FNIP1: variants seen among roughly 807,000 people sequenced by gnomAD.
FNIP1 encodes folliculin interacting protein 1, also known as folliculin-interacting protein 1.
Under a neutral mutation model 124.5 loss-of-function variants are expected in FNIP1, and 40 were observed. The observed-to-expected ratio is 0.32, with a 90% CI of 0.25 to 0.42. The LOEUF (loss-of-function observed/expected upper bound fraction) is 0.42, where lower values mean the gene tolerates loss of function less well. FNIP1 is among the 10% of genes least tolerant of loss of function. The pLI is 1.00. For synonymous variants in FNIP1, 472 were observed against 470.6 expected (o/e 1.00, Z -0.04); for missense variants, 1,176 against 1,403.7 (o/e 0.84, Z 2.59).
chr5:131,644,503 C>T lies in FNIP1; in HGVS notation c.*182G>A. ...AAAAATCTACCACCACCCAAAAGTCCAGTCAAAAAGAAAAAGCCATCTGAC... is the reference window on the plus strand; with the variant it reads ...AAAAATCTACCACCACCCAAAAGTCTAGTCAAAAAGAAAAAGCCATCTGAC... On this transcript the variant is annotated 3_prime_UTR_variant, in exon 18 of 18. Transcript: ENST00000510461. 7 of 438,352 alleles carry T rather than the reference C, an allele frequency of 1.6e-5. No individual in the cohort carries two copies. Among genetic ancestry groups the T allele is most frequent in the Non-Finnish European group, 2.4e-5 (6 of 248,008 alleles). The allele number at this position is 438,352 out of a possible 1,614,324, so 27.2% of individuals were successfully genotyped here.
chr5:131,691,243 A>G (rs1768470518), intron 11 of FNIP1, among the ~76,000 whole-genome samples: 1 of 152,228 alleles, frequency 6.6e-6, no homozygotes. Flanking sequence ...ATGCATCTAA[A>G]TAACACATAG....
chr5:131,663,251 A>G (rs1196698667), intron 15 of FNIP1, among the ~76,000 whole-genome samples: 1 of 152,252 alleles, frequency 6.6e-6, no homozygotes, highest in Admixed American at 6.5e-5. Flanking sequence ...CTCCACAGTT[A>G]GAAATCGACT....
chr5:131,729,775 C>T (rs1190434682), intron 3 of FNIP1, among the ~76,000 whole-genome samples: 7 of 151,380 alleles, frequency 4.6e-5, no homozygotes, highest in Non-Finnish European at 7.4e-5. Flanking sequence ...GACAGAGGTT[C>T]GCTCTTGTTA....
At chr5:131,698,330 A>T (rs948508733) in intron 11 of FNIP1, among the ~76,000 whole-genome samples, 2 of 152,208 alleles carry the variant, frequency 1.3e-5, no homozygotes, top group Admixed American at 1.3e-4. Context: ...CGAGGGAGAC[A>T]TATCAGTCAC....
At chr5:131,659,025 C>T (rs1486293869) in intron 15 of FNIP1, among the ~76,000 whole-genome samples, 1 of 150,692 alleles carries the variant, frequency 6.6e-6, no homozygotes, top group Non-Finnish European at 1.5e-5. Flanking sequence ...AAGGGTGAAA[C>T]GCGACTAAGT....
chr5:131,727,910 G>C (rs1769940210), intron 3 of FNIP1, among the ~76,000 whole-genome samples: 1 of 152,180 alleles, frequency 6.6e-6, no homozygotes, highest in African/African-American at 2.4e-5. Flanking sequence ...TCTCTGGAAA[G>C]GATTTCATTT....
intron 6 of FNIP1, among the ~76,000 whole-genome samples, chr5:131,710,918 C>T: frequency 6.6e-6 from 1 of 152,196 alleles, no homozygotes; most frequent in South Asian, 2.1e-4. Context: ...CAAGCTTCTG[C>T]TATATAAAGT....
chr5:131,738,474 T>G (rs539335172), intron 2 of FNIP1, among the ~76,000 whole-genome samples: 113 of 152,194 alleles, frequency 7.4e-4, no homozygotes, highest in South Asian at 6.2e-3. Context: ...ACTTTATGGC[T>G]TCTGAATTTT....
chr5:131,653,848 TCTC>T, intron 15 of FNIP1, among the ~76,000 whole-genome samples: 1 of 152,308 alleles, frequency 6.6e-6, no homozygotes, highest in South Asian at 2.1e-4. Context: ...TTCAAGTGAT[TCTC>T]CTGCCTCAGC....
At chr5:131,724,288 G>A (rs1055695891) in intron 3 of FNIP1, among the ~76,000 whole-genome samples, 8 of 152,174 alleles carry the variant, frequency 5.3e-5, no homozygotes, top group Non-Finnish European at 1.2e-4. Context: ...TTGGCACACT[G>A]TCTTCCATAA....
chr5:131,693,034 T>G (rs1435551488), intron 11 of FNIP1, among the ~76,000 whole-genome samples: 2 of 150,654 alleles, frequency 1.3e-5, no homozygotes. Flanking sequence ...AAAAAAAAAT[T>G]TCAGGGCTCC....
chr5:131,721,012 A>C (rs1769641217), intron 3 of FNIP1, among the ~76,000 whole-genome samples: 1 of 152,232 alleles, frequency 6.6e-6, no homozygotes, highest in Non-Finnish European at 1.5e-5. Flanking sequence ...CAGGATCTCA[A>C]AGAGATGTTA....
At chr5:131,731,503 A>C (rs1770091147) in intron 2 of FNIP1, among the ~76,000 whole-genome samples, 1 of 152,040 alleles carries the variant, frequency 6.6e-6, no homozygotes, top group African/African-American at 2.4e-5. Context: ...AAAAGACAAA[A>C]ATTAGCTGGG....
intron 11 of FNIP1, among the ~76,000 whole-genome samples, chr5:131,692,312 CCT>C (rs1768507994): frequency 1.3e-5 from 2 of 151,904 alleles, no homozygotes; most frequent in Non-Finnish European, 2.9e-5. Context: ...GTTCCCTCCC[CCT>C]GACCCCCCCA....
At chr5:131,678,828 TAC>T (rs954763033) in intron 12 of FNIP1, among the ~76,000 whole-genome samples, 199 bp downstream of exon 12, 89 of 152,214 alleles carry the variant, frequency 5.8e-4, no homozygotes, top group African/African-American at 2.1e-3. Flanking sequence ...ATTACATAAT[TAC>T]AGACATTTTC....
chr5:131,779,441 A>G (rs1771922560), intron 1 of FNIP1, among the ~76,000 whole-genome samples: 2 of 152,104 alleles, frequency 1.3e-5, no homozygotes, highest in South Asian at 4.1e-4. Flanking sequence ...GCACTTTGGG[A>G]GACCAAGGTG....
intron 11 of FNIP1, among the ~76,000 whole-genome samples, chr5:131,697,417 G>A (rs1392898028): frequency 6.6e-6 from 1 of 151,858 alleles, no homozygotes; most frequent in Non-Finnish European, 1.5e-5. Context: ...ATGCCAACAC[G>A]CCTGGCCCAG....
At chr5:131,787,357 G>T (rs955915004) in intron 1 of FNIP1, among the ~76,000 whole-genome samples, 11 of 152,188 alleles carry the variant, frequency 7.2e-5, no homozygotes, top group African/African-American at 2.7e-4. Context: ...CAGCAATTAA[G>T]TGTGAGAACT....
intron 15 of FNIP1, among the ~76,000 whole-genome samples, chr5:131,664,180 C>T (rs183150050): frequency 1.3e-5 from 2 of 152,190 alleles, no homozygotes; most frequent in Admixed American, 6.5e-5. Flanking sequence ...AATCTGGGCT[C>T]ACATGTCTGA....
Sources: gnomAD v4.1 joint callset for allele counts (sites outside exome capture counted in the v4.1 genomes callset) on GRCh38, gnomAD v4.1.1 for gene constraint, MANE v1.5 for transcripts, NCBI Gene and HGNC (gene_info 2026-07-23, HGNC 2026-07-21) for gene names.